The following PLPP7 variants were observed in gnomAD, a reference collection of about 807,000 sequenced individuals.
PLPP7 encodes inactive phospholipid phosphatase 7.
A neutral mutation model predicts 16.9 loss-of-function variants in PLPP7; 11 were observed. That is an observed-to-expected ratio of 0.65 (90% CI 0.41 to 1.08). PLPP7 has a LOEUF of 1.08. Among genes scored for constraint, PLPP7 ranks in the 50% least tolerant of loss-of-function variants. The pLI, the probability that PLPP7 is intolerant of heterozygous loss-of-function variation, is 0.00. For synonymous variants in PLPP7, 174 were observed against 175.1 expected (o/e 0.99, Z 0.05); for missense variants, 358 against 397.1 (o/e 0.90, Z 0.84).
At chr9:131,302,205 C>T (rs1162506084) in intron 1 of PLPP7, among the ~76,000 whole-genome samples, 1 of 152,140 alleles carries the variant, frequency 6.6e-6, no homozygotes, top group Admixed American at 6.5e-5. Context: ...AGACTTGAAC[C>T]CCACCTGTGA....
At chr9:131,304,221 G>C (rs969783491) in intron 1 of PLPP7, among the ~76,000 whole-genome samples, 1 of 152,106 alleles carries the variant, frequency 6.6e-6, no homozygotes, top group Non-Finnish European at 1.5e-5. Flanking sequence ...GTGAAACTGG[G>C]GTCCTGGCAT....
chr9:131,297,917 A>G (rs1835752787), intron 1 of PLPP7, among the ~76,000 whole-genome samples: 2 of 152,064 alleles, frequency 1.3e-5, no homozygotes, highest in Non-Finnish European at 2.9e-5. Flanking sequence ...TGGAAATCCT[A>G]TTTTATAAGT....
At chr9:131,298,379 C>A (rs1185689914) in intron 1 of PLPP7, among the ~76,000 whole-genome samples, 2 of 152,170 alleles carry the variant, frequency 1.3e-5, no homozygotes, top group Non-Finnish European at 2.9e-5. Context: ...CCTCCCAACC[C>A]AGCCGGAGAG....
At chr9:131,303,784 G>T (rs1400408588) in intron 1 of PLPP7, among the ~76,000 whole-genome samples, 1 of 151,978 alleles carries the variant, frequency 6.6e-6, no homozygotes, top group East Asian at 1.9e-4. Context: ...ATGGTGCCTG[G>T]CCCCCTCTGG....
chr9:131,301,849 C>G (rs1482975522), intron 1 of PLPP7, among the ~76,000 whole-genome samples: 1 of 144,184 alleles, frequency 6.9e-6, no homozygotes, highest in Admixed American at 7.1e-5. Flanking sequence ...CGGAGTCTCG[C>G]CCTGTCGCCC....
intron 1 of PLPP7, among the ~76,000 whole-genome samples, chr9:131,305,119 G>A (rs974532912): frequency 6.6e-6 from 1 of 152,240 alleles, no homozygotes; most frequent in Non-Finnish European, 1.5e-5. Context: ...TTACCAACCA[G>A]CGACTCCAGT....
intron 1 of PLPP7, among the ~76,000 whole-genome samples, chr9:131,291,991 T>A (rs1486112604): frequency 6.6e-6 from 1 of 152,224 alleles, no homozygotes; most frequent in Non-Finnish European, 1.5e-5. Flanking sequence ...TTTTACAGAT[T>A]AGGGAACTGA....
rs1462794441 is a variant in PLPP7 at position 131,295,443 on chromosome 9, CGCCTG to C, written c.451+4998_451+5002del. Among the ~76,000 whole-genome samples the C allele has an allele frequency of 1.3e-5, 2 of 152,148 alleles. No individual in the cohort carries two copies. Among genetic ancestry groups the C allele is most frequent in the African/African-American group, 4.8e-5 (2 of 41,446 alleles). ...CTGGGATCACAGGAGTGAGCCACCA[CGCCTG>C]GCTATGAAAACTACATTTTTATGTC... On this transcript the variant is annotated intron_variant, in intron 1 of 1. Coordinates refer to ENST00000372264, the MANE Select transcript of PLPP7 (RefSeq NM_032728.4). This position sits in a 1 kb window ranked among gnomAD's most constrained non-coding sequence, Gnocchi z 4.0.
At position 131,298,336 on chromosome 9, in the gene PLPP7, T is replaced by C. The variant is rs531659213; in HGVS notation, c.451+7888T>C. Among the ~76,000 whole-genome samples the C allele has an allele frequency of 1.1e-4, 16 of 152,248 alleles. No homozygotes were observed. The South Asian group carries it at 1.2e-3, about 12-fold the overall frequency. On this transcript the variant is annotated intron_variant, in intron 1 of 1. Transcript: ENST00000372264. ...CCAGAATGGGGGATGAGAAGCAGGA[T>C]TGACTTCCCAGCCCAGGAGCACTGG... is the stretch of plus-strand genomic sequence containing the variant.
intron 1 of PLPP7, among the ~76,000 whole-genome samples, chr9:131,302,508 C>G (rs1009691864): frequency 6.6e-6 from 1 of 152,182 alleles, no homozygotes; most frequent in Admixed American, 6.5e-5. Context: ...CTTCAGATGG[C>G]ACGAAACCCG....
At chr9:131,303,655 G>A (rs546028091) in intron 1 of PLPP7, among the ~76,000 whole-genome samples, 53 of 152,198 alleles carry the variant, frequency 3.5e-4, no homozygotes, top group African/African-American at 1.3e-3. Context: ...GCGTTTGGGG[G>A]ACCAACTCAA....
chr9:131,293,886 C>G (rs1835708229), intron 1 of PLPP7, among the ~76,000 whole-genome samples: 1 of 152,192 alleles, frequency 6.6e-6, no homozygotes. Context: ...CCCACCCGCT[C>G]TGGCCCCGTG....
At position 131,308,320 on chromosome 9, in the gene PLPP7, C is replaced by G. The variant is rs1315879007; in HGVS notation, c.*33C>G. ...GCCGGCCCACACAAGCCTCTGGGGG[C>G]AGGGCTGGCCCTAGAGAAGGGGCAG... On this transcript the variant is annotated 3_prime_UTR_variant, in exon 2 of 2. Transcript: ENST00000372264. The G allele has an allele frequency of 1.3e-6, 2 of 1,554,218 alleles. No homozygotes were observed. Among genetic ancestry groups the G allele is most frequent in the Admixed American group, 3.6e-5 (2 of 54,992 alleles).
rs748197402 is a variant in PLPP7 at position 131,290,018 on chromosome 9, G to A, written c.21G>A (p.Arg7=). The change falls in exon 1 of 2, where the codon CGG becomes CGA. Residue 7 remains arginine (R), a synonymous_variant. Transcript: ENST00000372264. This position sits in a 1 kb window ranked among gnomAD's most constrained non-coding sequence, Gnocchi z 4.2. MPASQS[R]ARARDRNNVL... is the part of the protein sequence containing the mutation. ...TCACCATGCCAGCTTCCCAGAGCCG[G>A]GCCCGTGCCCGGGACCGCAACAACG... 2.8e-6 allele frequency: 4 copies of A among 1,431,908 alleles called. No individual in the cohort carries two copies. Among genetic ancestry groups the A allele is most frequent in the Non-Finnish European group, 3.6e-6 (4 of 1,096,502 alleles). 88.7% of individuals were successfully genotyped at this position (1,431,908 alleles called of 1,614,324 possible). A position where few individuals can be genotyped will look rare whatever the true frequency, so the allele number is the denominator to read the frequency against.
At chr9:131,296,975 A>T (rs965040854) in intron 1 of PLPP7, among the ~76,000 whole-genome samples, 2 of 152,150 alleles carry the variant, frequency 1.3e-5, no homozygotes, top group African/African-American at 4.8e-5. Context: ...CTTCGCTCAG[A>T]TACCCTCCTG....
intron 1 of PLPP7, among the ~76,000 whole-genome samples, chr9:131,297,728 T>C (rs1025314495): frequency 2.1e-4 from 32 of 152,316 alleles, no homozygotes; most frequent in African/African-American, 7.5e-4. Flanking sequence ...TAATGCGTGC[T>C]TGTGGCAAGA....
At chr9:131,291,204 C>T (rs1835672623) in intron 1 of PLPP7, 19 of 1,360,696 alleles carry the variant, frequency 1.4e-5, no homozygotes, top group Middle Eastern at 2.1e-4. Context: ...CCGTCCGGCC[C>T]ACCCTTCGGG....
At chr9:131,298,259 C>T (rs909764579) in intron 1 of PLPP7, among the ~76,000 whole-genome samples, 35 of 152,040 alleles carry the variant, frequency 2.3e-4, no homozygotes, top group Admixed American at 2.1e-3. Flanking sequence ...AAGTTCAGAC[C>T]GATTTACACA....
At chr9:131,293,854 G>A (rs1835707884) in intron 1 of PLPP7, among the ~76,000 whole-genome samples, 1 of 152,146 alleles carries the variant, frequency 6.6e-6, no homozygotes, top group Non-Finnish European at 1.5e-5. Context: ...ACTGAAGGGG[G>A]AGGGAGCCCT....
Sources: allele counts gnomAD v4.1 joint callset (sites outside exome capture counted in the v4.1 genomes callset), GRCh38; gene constraint gnomAD v4.1.1; non-coding constraint Gnocchi (gnomAD v3.1); transcripts MANE v1.5; gene names NCBI Gene and HGNC (gene_info 2026-07-23, HGNC 2026-07-21).